The following FOCAD variants were observed in gnomAD, a reference collection of about 807,000 sequenced individuals.
FOCAD encodes focadhesin.
A neutral mutation model predicts 225.6 loss-of-function variants in FOCAD; 198 were observed. The ratio of observed to expected loss-of-function variants is 0.88; its 90% confidence interval spans 0.78 to 0.99. The LOEUF is 0.99. Among genes scored for constraint, FOCAD ranks in the 50% least tolerant of loss-of-function variants. The pLI, the probability that FOCAD is intolerant of heterozygous loss-of-function variation, is 0.00. For synonymous variants in FOCAD, 897 were observed against 755.0 expected (o/e 1.19, Z -3.08); for missense variants, 2,713 against 2,123.6 (o/e 1.28, Z -5.46).
chr9:20,916,398 C>A (rs1055043577), intron 23 of FOCAD, among the ~76,000 whole-genome samples: 22 of 152,144 alleles, frequency 1.4e-4, no homozygotes, highest in African/African-American at 5.3e-4. Context: ...TCTATAAACA[C>A]ATAGCGACTA....
chr9:20,761,987 G>C (rs1220228420), intron 6 of FOCAD, among the ~76,000 whole-genome samples: 3 of 152,130 alleles, frequency 2.0e-5, no homozygotes, highest in African/African-American at 7.2e-5. Flanking sequence ...ATTAAGCCAA[G>C]GGGATTTTTA....
At chr9:20,796,474 C>T (rs1821120441) in intron 11 of FOCAD, among the ~76,000 whole-genome samples, 1 of 152,152 alleles carries the variant, frequency 6.6e-6, no homozygotes, top group Non-Finnish European at 1.5e-5. Context: ...TCTCCAGCAC[C>T]TGTTGTTTCC....
chr9:20,711,715 G>C (rs539569975), intron 1 of FOCAD, among the ~76,000 whole-genome samples: 1 of 152,366 alleles, frequency 6.6e-6, no homozygotes, highest in South Asian at 2.1e-4. Context: ...AAGGAAATAT[G>C]TGTTTTGTTT....
intron 2 of FOCAD, among the ~76,000 whole-genome samples, chr9:20,663,920 T>C (rs1821818145): frequency 6.6e-6 from 1 of 152,208 alleles, no homozygotes; most frequent in Non-Finnish European, 1.5e-5. Context: ...TCTTTATTAA[T>C]GTCATGAAGT....
In FOCAD at chr9:20,956,927, C is replaced by T. The variant is rs546300420; in HGVS notation, c.4132+3862C>T. 3.3e-5 allele frequency among the ~76,000 whole-genome samples: 5 copies of T among 152,268 alleles called. No individual in the cohort carries two copies. The South Asian group carries it at 1.0e-3, about 32-fold the overall frequency. ...CAGGCTGGTCTTGAACTCCCGACCT[C>T]AGGTGATCCGCCTGCCTCGGCCTCC... On this transcript the variant is annotated intron_variant, in intron 35 of 43. Transcript: ENST00000338382.
intron 1 of FOCAD, among the ~76,000 whole-genome samples, chr9:20,693,259 C>G (rs1268823438): frequency 6.6e-6 from 1 of 152,194 alleles, no homozygotes; most frequent in Non-Finnish European, 1.5e-5. Context: ...CACTGCTACT[C>G]TTTCCGCCTA....
chr9:20,866,862 G>A, intron 17 of FOCAD, 67 bp from the exon 18 acceptor site: 1 of 761,056 alleles, frequency 1.3e-6, no homozygotes, highest in Admixed American at 3.4e-5. Flanking sequence ...GATGTTTAAT[G>A]CATGTTGTGT....
upstream of FOCAD, among the ~76,000 whole-genome samples, chr9:20,657,136 C>G (rs1821512085): frequency 6.6e-6 from 1 of 152,098 alleles, no homozygotes; most frequent in African/African-American, 2.4e-5. Flanking sequence ...AGGGTTTCTG[C>G]CGAGAGATCC....
At chr9:20,720,304 G>C in intron 3 of FOCAD, 76 bp from the exon 4 acceptor site, 1 of 1,433,690 alleles carries the variant, frequency 7.0e-7, no homozygotes. Context: ...ATTACTCATT[G>C]ATGAATGACC....
chr9:20,953,981 A>G (rs545629281), intron 35 of FOCAD, among the ~76,000 whole-genome samples: 3 of 152,298 alleles, frequency 2.0e-5, no homozygotes, highest in African/African-American at 7.2e-5. Context: ...GGGAAGTTAA[A>G]TCTGTGTTGT....
chr9:20,745,583 C>T (rs960945703), intron 5 of FOCAD, among the ~76,000 whole-genome samples: 2 of 151,990 alleles, frequency 1.3e-5, no homozygotes, highest in Admixed American at 1.3e-4. Flanking sequence ...TTAATTTTTT[C>T]TCTGCATATT....
At chr9:20,845,234 A>C (rs2131588809) in intron 15 of FOCAD, among the ~76,000 whole-genome samples, 1 of 152,134 alleles carries the variant, frequency 6.6e-6, no homozygotes, top group Non-Finnish European at 1.5e-5. Flanking sequence ...AAAATCAGAA[A>C]ATATGGATTA....
chr9:20,808,346 A>G (rs1041581949), intron 11 of FOCAD, among the ~76,000 whole-genome samples: 6 of 152,174 alleles, frequency 3.9e-5, no homozygotes, highest in Admixed American at 1.3e-4. Context: ...AGTCCTGGGT[A>G]AATACAAGAA....
chr9:20,902,697 A>G (rs1691561771), intron 21 of FOCAD, among the ~76,000 whole-genome samples: 1 of 151,892 alleles, frequency 6.6e-6, no homozygotes, highest in Non-Finnish European at 1.5e-5. Context: ...TAAACCAATA[A>G]AGGAAAAAGT....
rs763927601 is a variant in FOCAD, at chr9:20,948,957, C to T, written c.3876+29C>T. ...AAGAAAGGAACCATGGAGGGGAAGA[C>T]ATCTAAATATGTACATAGCCATAGC... On this transcript the variant is annotated intron_variant, in intron 32 of 43. Coordinates refer to ENST00000338382, the MANE Select transcript of FOCAD (RefSeq NM_001375567.1). 16 of 1,593,690 alleles carry T rather than the reference C, an allele frequency of 1.0e-5. No individual in the cohort carries two copies. The South Asian group carries it at 1.4e-4, about 14-fold the overall frequency.
chr9:20,660,479 A>G (rs967688552), intron 2 of FOCAD, among the ~76,000 whole-genome samples: 2 of 152,256 alleles, frequency 1.3e-5, no homozygotes, highest in Non-Finnish European at 2.9e-5. Context: ...AGTTAAAATT[A>G]TGGAAAAATA....
intron 18 of FOCAD, among the ~76,000 whole-genome samples, chr9:20,871,815 G>T (rs1164422080): frequency 6.7e-6 from 1 of 148,262 alleles, no homozygotes; most frequent in Non-Finnish European, 1.5e-5. Context: ...GCTAAATGAC[G>T]AGTTAATGGG....
At chr9:20,833,896 T>C (rs764432617) in intron 15 of FOCAD, among the ~76,000 whole-genome samples, 3 of 152,118 alleles carry the variant, frequency 2.0e-5, no homozygotes, top group Non-Finnish European at 4.4e-5. Context: ...ATCTCATATA[T>C]TGTAAATGTA....
chr9:20,718,101 AGAG>A (rs1171284739), intron 3 of FOCAD, among the ~76,000 whole-genome samples: 4 of 152,204 alleles, frequency 2.6e-5, no homozygotes, highest in African/African-American at 9.6e-5. Context: ...GAAGGGCTGG[AGAG>A]GAGTATTCTT....
Sources: allele counts gnomAD v4.1 joint callset (sites outside exome capture counted in the v4.1 genomes callset), GRCh38; gene constraint gnomAD v4.1.1; transcripts MANE v1.5; gene names NCBI Gene and HGNC (gene_info 2026-07-23, HGNC 2026-07-21).